Variants in NFIA observed in about 807,000 individuals in gnomAD.
NFIA encodes the protein nuclear factor I A.
A neutral mutation model predicts 62.8 loss-of-function variants in NFIA; 8 were observed. That is an observed-to-expected ratio of 0.13 (90% confidence interval 0.07 to 0.23). NFIA has a LOEUF of 0.23. NFIA is among the 10% of genes least tolerant of loss of function. NFIA has a pLI of 1.00. For missense variants in NFIA, 410 were observed against 642.1 expected (o/e 0.64, Z 3.91); for synonymous variants, 235 against 238.1 (o/e 0.99, Z 0.12).
At chr1:61,197,373 G>A (rs1652102517) in intron 2 of NFIA, among the ~76,000 whole-genome samples, 1 of 151,060 alleles carries the variant, frequency 6.6e-6, no homozygotes, top group Admixed American at 6.6e-5. Flanking sequence ...TGAGTAGCTG[G>A]GATTACAGGC....
At chr1:61,392,708 A>AT in intron 7 of NFIA, among the ~76,000 whole-genome samples, 1 of 152,232 alleles carries the variant, frequency 6.6e-6, no homozygotes, top group Middle Eastern at 3.2e-3. Flanking sequence ...TCCGTAGTGG[A>AT]ATCATGTTAA....
chr1:61,364,971 G>A (rs1008395193), intron 6 of NFIA, among the ~76,000 whole-genome samples: 2 of 152,148 alleles, frequency 1.3e-5, no homozygotes, highest in Non-Finnish European at 2.9e-5. Flanking sequence ...GATTGCTTGA[G>A]GCCAGGAGCT....
intron 2 of NFIA, among the ~76,000 whole-genome samples, chr1:61,152,541 G>T (rs1261735522): frequency 6.6e-6 from 1 of 152,090 alleles, no homozygotes; most frequent in South Asian, 2.1e-4. Flanking sequence ...ATAATTAAAG[G>T]TCTGTCAGTA....
chr1:61,078,118 A>G (rs1368427659), upstream of NFIA, among the ~76,000 whole-genome samples: 2 of 152,068 alleles, frequency 1.3e-5, no homozygotes, highest in African/African-American at 4.8e-5. Context: ...TTGGGTGTAC[A>G]ATAGTTCTCA....
chr1:61,101,263 T>C (rs1646503284), intron 2 of NFIA, among the ~76,000 whole-genome samples: 1 of 151,766 alleles, frequency 6.6e-6, no homozygotes, highest in African/African-American at 2.4e-5. Context: ...GGTGTGGTGG[T>C]GCATGCCTGC....
intron 2 of NFIA, among the ~76,000 whole-genome samples, chr1:61,240,965 GGTTT>G (rs1198305278): frequency 5.3e-5 from 8 of 150,486 alleles, no homozygotes; most frequent in Non-Finnish European, 1.2e-4. Flanking sequence ...TGTCTTTTGG[GGTTT>G]GTTTTTTTTT....
intron 2 of NFIA, among the ~76,000 whole-genome samples, chr1:61,111,092 G>A (rs1406378351): frequency 6.6e-6 from 1 of 152,064 alleles, no homozygotes; most frequent in Non-Finnish European, 1.5e-5. Flanking sequence ...TTCTATATAA[G>A]ATGAATTCTT....
intron 2 of NFIA, among the ~76,000 whole-genome samples, chr1:61,262,426 T>A (rs372467033): frequency 3.3e-5 from 5 of 152,242 alleles, no homozygotes; most frequent in African/African-American, 1.2e-4. Context: ...ATAAATATGT[T>A]TGTTTAAAGT....
rs186725526 is a variant in NFIA at position 61,341,287 on chromosome 1, G to A, written c.700+8701G>A. Among the ~76,000 whole-genome samples, 1,383 of 151,826 alleles carry A rather than the reference G, an allele frequency of 9.1e-3. 17 individuals are homozygous for A. The highest frequency in any genetic ancestry group is 0.032 in the African/African-American group (1,327 of 41,372). On this transcript the variant is annotated intron_variant, in intron 4 of 10. Coordinates refer to ENST00000403491, the MANE Select transcript of NFIA (RefSeq NM_001134673.4). ...ACCGTGGTCTCGATCTCCTGACCTC[G>A]TGATCCGCCCGCCTCCACCTCCCGA...
At chr1:61,223,037 T>A (rs1654116513) in intron 2 of NFIA, among the ~76,000 whole-genome samples, 1 of 152,102 alleles carries the variant, frequency 6.6e-6, no homozygotes, top group African/African-American at 2.4e-5. Context: ...TGTTGCCGAA[T>A]GTTTACACTA....
intron 2 of NFIA, among the ~76,000 whole-genome samples, chr1:61,153,986 C>T (rs1648612019): frequency 6.6e-6 from 1 of 152,154 alleles, no homozygotes; most frequent in African/African-American, 2.4e-5. Context: ...TTTACATTTT[C>T]TCCCTTTAGT....
upstream of NFIA, among the ~76,000 whole-genome samples, chr1:61,080,987 C>A (rs566146059): frequency 6.6e-6 from 1 of 152,088 alleles, no homozygotes; most frequent in African/African-American, 2.4e-5. Context: ...GTTAACACAT[C>A]ACTTACCCTC....
intron 2 of NFIA, among the ~76,000 whole-genome samples, chr1:61,130,642 C>CA (rs1491458445): frequency 2.6e-5 from 4 of 152,176 alleles, no homozygotes; most frequent in African/African-American, 9.7e-5. Context: ...GCTGTAAGAA[C>CA]TCTTACCTCC....
intron 2 of NFIA, among the ~76,000 whole-genome samples, chr1:61,263,164 T>G (rs1656876063): frequency 6.6e-6 from 1 of 152,236 alleles, no homozygotes; most frequent in African/African-American, 2.4e-5. Context: ...TGTTTTTATC[T>G]TCTTTCCTAG....
chr1:61,199,562 T>C (rs1652275257), intron 2 of NFIA, among the ~76,000 whole-genome samples: 1 of 152,172 alleles, frequency 6.6e-6, no homozygotes, highest in Non-Finnish European at 1.5e-5. Context: ...CTTGAGATTG[T>C]ATATACTACA....
rs1665706125 is a variant in NFIA at position 61,404,175 on chromosome 1, T to C, written c.1147T>C (p.Phe383Leu). The part of the protein sequence containing the change: ...SPIIQQPGPY[F>L]SHPAIRYHPQ... ...CATTATCCAGCAGCCTGGGCCTTAC[T>C]TCTCACACCCAGCCATCCGCTATCA... Residue 383 changes from phenylalanine to leucine, a missense_variant, in exon 8 of 11, where the codon TTC becomes CTC. Physicochemically the swap from Phe to Leu is conservative, Grantham distance 22. Coordinates refer to ENST00000403491, the MANE Select transcript of NFIA (RefSeq NM_001134673.4). 1 of 1,614,088 alleles carries C rather than the reference T, an allele frequency of 6.2e-7. No individual in the cohort carries two copies.
intron 6 of NFIA, among the ~76,000 whole-genome samples, chr1:61,365,063 C>T (rs529922163): frequency 6.6e-6 from 1 of 152,188 alleles, no homozygotes; most frequent in Non-Finnish European, 1.5e-5. Context: ...GGTGTGTGCC[C>T]GTAGTCCCAG....
rs1648308315 is a variant in NFIA, at chr1:61,150,326, C to T, written c.559+61646C>T. Among the ~76,000 whole-genome samples the T allele has an allele frequency of 5.9e-5, 9 of 152,158 alleles. 1 individual carries two copies. In the South Asian group the frequency reaches 1.9e-3, roughly 32 times the overall value. ...TTTTCTTCCCAGGCAAGTGCCTCCT[C>T]CTGATGGGGAGTTAGTATGATGTGG... is the stretch of plus-strand genomic sequence containing the variant. On this transcript the variant is annotated intron_variant, in intron 2 of 10. Coordinates refer to ENST00000403491, the MANE Select transcript of NFIA (RefSeq NM_001134673.4).
At chr1:61,130,355 A>T (rs979444903) in intron 2 of NFIA, among the ~76,000 whole-genome samples, 3 of 152,154 alleles carry the variant, frequency 2.0e-5, no homozygotes, top group African/African-American at 2.4e-5. Flanking sequence ...TAAGTCATGG[A>T]CAAAAAGACA....
Sources: allele counts gnomAD v4.1 joint callset (sites outside exome capture counted in the v4.1 genomes callset), GRCh38; gene constraint gnomAD v4.1.1; transcripts MANE v1.5; gene names NCBI Gene and HGNC (gene_info 2026-07-23, HGNC 2026-07-21).